TRAPPC9: variants seen among roughly 807,000 people sequenced by gnomAD.
TRAPPC9 encodes the protein trafficking protein particle complex subunit 9.
In TRAPPC9, 83 loss-of-function variants were observed where a neutral mutation model predicts 124.0. The ratio of observed to expected loss-of-function variants is 0.67; its 90% CI spans 0.56 to 0.80. The LOEUF is 0.80. Ranked by LOEUF, TRAPPC9 falls within the 30% of genes least tolerant of loss-of-function variation. TRAPPC9 has a pLI of 0.00. For synonymous variants in TRAPPC9, 638 were observed against 617.5 expected (o/e 1.03, Z -0.49); for missense variants, 1,302 against 1,508.3 (o/e 0.86, Z 2.27).
intron 21 of TRAPPC9, among the ~76,000 whole-genome samples, chr8:139,743,792 A>G (rs897519271): frequency 1.3e-5 from 2 of 152,182 alleles, no homozygotes; most frequent in Admixed American, 6.5e-5. Flanking sequence ...CTCATTTCCA[A>G]TTATCTAACA....
intron 21 of TRAPPC9, among the ~76,000 whole-genome samples, chr8:139,794,481 G>T (rs899770299): frequency 1.3e-5 from 2 of 152,216 alleles, no homozygotes; most frequent in African/African-American, 4.8e-5. Context: ...GAGCGGTTTC[G>T]TTAGGCAGGG....
chr8:140,458,239 G>A, upstream of TRAPPC9: 1 of 1,551,132 alleles, frequency 6.4e-7, no homozygotes, highest in Non-Finnish European at 8.7e-7. Flanking sequence ...CACCTGGGGC[G>A]GCGCAGCTGG....
At chr8:140,031,094 C>T (rs544446042) in intron 17 of TRAPPC9, among the ~76,000 whole-genome samples, 4 of 152,192 alleles carry the variant, frequency 2.6e-5, no homozygotes, top group Non-Finnish European at 5.9e-5. Context: ...GAATCTAAGT[C>T]ACAATGTGGG....
At chr8:140,433,551 C>A (rs1411302602) in intron 4 of TRAPPC9, among the ~76,000 whole-genome samples, 1 of 152,160 alleles carries the variant, frequency 6.6e-6, no homozygotes, top group African/African-American at 2.4e-5. Context: ...GATTGAGCCA[C>A]TGCACTCCAG....
chr8:139,970,844 GA>G (rs1273119771), intron 19 of TRAPPC9, among the ~76,000 whole-genome samples: 1 of 152,076 alleles, frequency 6.6e-6, no homozygotes, highest in African/African-American at 2.4e-5. Context: ...GGTGTGGCCA[GA>G]AGCCAGCTGA....
chr8:139,770,560 T>C (rs1319432554), intron 21 of TRAPPC9, among the ~76,000 whole-genome samples: 1 of 152,180 alleles, frequency 6.6e-6, no homozygotes, highest in African/African-American at 2.4e-5. Flanking sequence ...ATCGTGAAAC[T>C]GCGCAAACAG....
At chr8:139,920,985 C>G (rs1832466734) in intron 19 of TRAPPC9, among the ~76,000 whole-genome samples, 1 of 152,184 alleles carries the variant, frequency 6.6e-6, no homozygotes, top group African/African-American at 2.4e-5. Flanking sequence ...TGGCTGCATC[C>G]CACACCTGCC....
chr8:139,763,591 C>T (rs1220515742), intron 21 of TRAPPC9, among the ~76,000 whole-genome samples: 1 of 148,888 alleles, frequency 6.7e-6, no homozygotes, highest in Non-Finnish European at 1.5e-5. Flanking sequence ...AGAAAACAAA[C>T]AAGCACACAT....
At chr8:139,807,490 G>A (rs549742366) in intron 21 of TRAPPC9, among the ~76,000 whole-genome samples, 1 of 152,246 alleles carries the variant, frequency 6.6e-6, no homozygotes, top group Admixed American at 6.5e-5. Flanking sequence ...ACCCTACACG[G>A]GGCGCTTCAT....
At chr8:139,837,633 C>T (rs1039836063) in intron 21 of TRAPPC9, among the ~76,000 whole-genome samples, 1 of 152,206 alleles carries the variant, frequency 6.6e-6, no homozygotes, top group African/African-American at 2.4e-5. Context: ...CTGTCTCCAG[C>T]CCAAGGCGTT....
At chr8:140,325,963 A>G (rs189725535) in intron 9 of TRAPPC9, among the ~76,000 whole-genome samples, 7 of 152,314 alleles carry the variant, frequency 4.6e-5, no homozygotes, top group African/African-American at 1.7e-4. Flanking sequence ...ATAAGAGTAC[A>G]CCGAAGCCTT....
chr8:140,370,712 C>A (rs1474244162), intron 8 of TRAPPC9, among the ~76,000 whole-genome samples: 1 of 152,172 alleles, frequency 6.6e-6, no homozygotes, highest in Non-Finnish European at 1.5e-5. Context: ...GATGACACAC[C>A]ATGCCAATGA....
At chr8:140,197,525 T>C (rs1428022843) in intron 17 of TRAPPC9, among the ~76,000 whole-genome samples, 1 of 152,214 alleles carries the variant, frequency 6.6e-6, no homozygotes, top group East Asian at 1.9e-4. Context: ...TTTGTTTTGC[T>C]GTTTGGATGG....
intron 16 of TRAPPC9, among the ~76,000 whole-genome samples, chr8:140,249,597 C>CTTTTTTTTTT (rs35511380): frequency 2.4e-5 from 2 of 81,962 alleles, no homozygotes; most frequent in African/African-American, 5.3e-5. Flanking sequence ...ATCTTTCACT[C>CTTTTTTTTTT]TTTTTTTTTT....
chr8:140,153,151 T>C (rs941676856), intron 17 of TRAPPC9, among the ~76,000 whole-genome samples: 1 of 152,214 alleles, frequency 6.6e-6, no homozygotes, highest in Non-Finnish European at 1.5e-5. Flanking sequence ...CAGCTCCTAA[T>C]GTGATCTTCC....
intron 15 of TRAPPC9, among the ~76,000 whole-genome samples, chr8:140,263,530 G>A (rs2064504808): frequency 6.6e-6 from 1 of 152,122 alleles, no homozygotes; most frequent in Non-Finnish European, 1.5e-5. Context: ...ATTTTTATAA[G>A]GTGACAATGG....
chr8:139,906,063 C>G (rs1384597396), intron 20 of TRAPPC9, among the ~76,000 whole-genome samples: 1 of 151,884 alleles, frequency 6.6e-6, no homozygotes, highest in East Asian at 1.9e-4. Flanking sequence ...CCACTGTACT[C>G]CAGCCTGGTG....
At chr8:140,146,328 G>A (rs961919395) in intron 17 of TRAPPC9, among the ~76,000 whole-genome samples, 1 of 152,254 alleles carries the variant, frequency 6.6e-6, no homozygotes, top group Admixed American at 6.5e-5. Flanking sequence ...AGCTGTGGGG[G>A]CCACCCCGGC....
chr8:139,987,229 A>C (rs1434066626), intron 19 of TRAPPC9, among the ~76,000 whole-genome samples: 2 of 152,174 alleles, frequency 1.3e-5, no homozygotes, highest in African/African-American at 4.8e-5. Flanking sequence ...TCTTCTTGTG[A>C]CCATATGTTT....
Sources: gnomAD v4.1 joint callset for allele counts (sites outside exome capture counted in the v4.1 genomes callset) on GRCh38, gnomAD v4.1.1 for gene constraint, MANE v1.5 for transcripts, NCBI Gene and HGNC (gene_info 2026-07-23, HGNC 2026-07-21) for gene names.